The following NWD1 variants were observed in gnomAD, a reference collection of about 807,000 sequenced individuals.
NWD1 encodes NACHT and WD repeat domain containing 1.
NWD1 carries 129 observed loss-of-function variants against 135.1 expected under a neutral mutation model. That is an observed-to-expected ratio of 0.96 (90% CI 0.83 to 1.11). The LOEUF (loss-of-function observed/expected upper bound fraction) is 1.11, where lower values mean the gene tolerates loss of function less well. Ranked by LOEUF, NWD1 falls within the 50% of genes least tolerant of loss-of-function variation. The probability of loss-of-function intolerance (pLI) is 0.00; values close to 1 mark genes in which losing one functional copy is unlikely to be tolerated. For missense variants in NWD1, 1,740 were observed against 1,851.3 expected (o/e 0.94, Z 1.10); for synonymous variants, 773 against 786.0 (o/e 0.98, Z 0.28).
intron 10 of NWD1, among the ~76,000 whole-genome samples, chr19:16,772,914 G>A (rs1969464297): frequency 6.6e-6 from 1 of 152,138 alleles, no homozygotes; most frequent in Non-Finnish European, 1.5e-5. Flanking sequence ...CCTGGGCAAA[G>A]GCTGGAGACT....
intron 11 of NWD1, 55 bp from the exon 12 acceptor site, chr19:16,779,288 T>C (rs1316613744): frequency 6.2e-7 from 1 of 1,609,750 alleles, no homozygotes; most frequent in African/African-American, 1.3e-5. Context: ...ACCCCATAGC[T>C]GAATACTTGG....
chr19:16,780,719 A>G (rs1035771567), intron 12 of NWD1, among the ~76,000 whole-genome samples: 3 of 151,204 alleles, frequency 2.0e-5, no homozygotes, highest in African/African-American at 7.3e-5. Context: ...GTGCAGTGGC[A>G]CAATCTCAGC....
In NWD1 at chr19:16,817,299, C is replaced by T. The variant is rs865850258; in HGVS notation, c.*2260C>T. On this transcript the variant is annotated 3_prime_UTR_variant, in exon 19 of 19. Transcript: ENST00000524140. The stretch of plus-strand genomic sequence containing the variant: ...TGGGTGACAGAGCAAGACTCCATCT[C>T]ATAATAATAATAATAATGGCAAAAG... The T allele has an allele frequency of 3.4e-5, 5 of 146,134 alleles. No homozygotes were observed. Among genetic ancestry groups the T allele is most frequent in the African/African-American group, 1.3e-4 (5 of 39,542 alleles). The allele number at this position is 146,134 out of a possible 1,614,324, so 9.1% of individuals were successfully genotyped here.
rs1294302711 is a variant in NWD1, at chr19:16,816,435, A to T, written c.*1396A>T. 2 of 152,194 alleles carry T rather than the reference A, an allele frequency of 1.3e-5. No homozygotes were observed. The highest frequency in any genetic ancestry group is 2.9e-5 in the Non-Finnish European group (2 of 68,042). The allele number at this position is 152,194 out of a possible 1,614,324, so 9.4% of individuals were successfully genotyped here. A position where few individuals can be genotyped will look rare whatever the true frequency, so the allele number is the denominator to read the frequency against. ...TAAAACAATCAACATGTTATAGTTCATCCCTCTCTATTCCTTGGCTCCCAA... is the reference window on the plus strand; with the variant it reads ...TAAAACAATCAACATGTTATAGTTCTTCCCTCTCTATTCCTTGGCTCCCAA... On this transcript the variant is annotated 3_prime_UTR_variant, in exon 19 of 19. Transcript: ENST00000524140.
chr19:16,784,609 C>T (rs2123020291), intron 12 of NWD1, among the ~76,000 whole-genome samples: 1 of 151,978 alleles, frequency 6.6e-6, no homozygotes. Context: ...AATCATGAGG[C>T]TGGAGCTCCA....
intron 18 of NWD1, among the ~76,000 whole-genome samples, chr19:16,808,679 C>T (rs989537596): frequency 3.9e-5 from 6 of 151,996 alleles, no homozygotes; most frequent in African/African-American, 1.4e-4. Flanking sequence ...ACAATCATAG[C>T]TCATTGCAGC....
At chr19:16,738,746 TATTA>T (rs1568340013) in intron 4 of NWD1, among the ~76,000 whole-genome samples, 7 of 139,464 alleles carry the variant, frequency 5.0e-5, no homozygotes, top group African/African-American at 2.0e-4. Context: ...ATAATATATA[TATTA>T]TATATATATA....
chr19:16,778,818 A>G (rs535524446), intron 11 of NWD1, among the ~76,000 whole-genome samples: 16 of 152,232 alleles, frequency 1.1e-4, no homozygotes, highest in Admixed American at 7.9e-4. Context: ...GGGTGGCATG[A>G]GCCACCGTGC....
chr19:16,777,949 A>AGGGG (rs1969713855), intron 11 of NWD1, among the ~76,000 whole-genome samples: 1 of 118,334 alleles, frequency 8.5e-6, no homozygotes, highest in Non-Finnish European at 1.7e-5. Flanking sequence ...AAGGGAAGGA[A>AGGGG]AGGAAAGGGA....
At chr19:16,764,931 G>C (rs2122902510) in intron 9 of NWD1, 103 bp from the exon 10 acceptor site, 2 of 1,267,100 alleles carry the variant, frequency 1.6e-6, no homozygotes, top group South Asian at 2.8e-5. Flanking sequence ...CTACTGCTGA[G>C]CCTGAGATGC....
At chr19:16,811,796 T>G (rs1481733518) in intron 18 of NWD1, among the ~76,000 whole-genome samples, 1 of 151,778 alleles carries the variant, frequency 6.6e-6, no homozygotes, top group Non-Finnish European at 1.5e-5. Context: ...CAAAGCCTGG[T>G]TCTGAGGTCA....
intron 2 of NWD1, among the ~76,000 whole-genome samples, chr19:16,729,447 C>T (rs1199402778): frequency 3.9e-5 from 6 of 151,962 alleles, no homozygotes; most frequent in Non-Finnish European, 5.9e-5. Context: ...GCAAACACCC[C>T]GTCTTCAGGG....
intron 12 of NWD1, among the ~76,000 whole-genome samples, chr19:16,787,876 CAATAATAATAATAATAAT>C (rs534816872): frequency 8.4e-6 from 1 of 119,492 alleles, no homozygotes; most frequent in Admixed American, 1.1e-4. Context: ...GTAATAATAA[CAATAATAATAATAATAAT>C]AATAATAATA....
At chr19:16,793,618 C>T (rs550776831) in intron 14 of NWD1, among the ~76,000 whole-genome samples, 1 of 151,374 alleles carries the variant, frequency 6.6e-6, no homozygotes, top group Non-Finnish European at 1.5e-5. Flanking sequence ...GCTCTGTCGC[C>T]CAGACTGGAA....
At chr19:16,735,431 G>A (rs1464265655) in intron 3 of NWD1, among the ~76,000 whole-genome samples, 3 of 147,492 alleles carry the variant, frequency 2.0e-5, no homozygotes, top group Non-Finnish European at 3.0e-5. Context: ...GCTTGAACTC[G>A]GGAGGCGGAG....
At chr19:16,740,331 G>T (rs1408407632) in intron 4 of NWD1, among the ~76,000 whole-genome samples, 3 of 151,714 alleles carry the variant, frequency 2.0e-5, no homozygotes, top group Non-Finnish European at 4.4e-5. Flanking sequence ...GAATAGAAAA[G>T]AAATTATTAT....
intron 12 of NWD1, among the ~76,000 whole-genome samples, chr19:16,782,752 A>G (rs1969898764): frequency 6.6e-6 from 1 of 151,976 alleles, no homozygotes; most frequent in Non-Finnish European, 1.5e-5. Context: ...TCCCAGCTAC[A>G]AGGAGGAGGA....
chr19:16,766,324 C>A (rs1369808572), intron 10 of NWD1, among the ~76,000 whole-genome samples: 1 of 152,088 alleles, frequency 6.6e-6, no homozygotes, highest in African/African-American at 2.4e-5. Context: ...ATCAATTGAG[C>A]CTGGGAGGTC....
intron 12 of NWD1, among the ~76,000 whole-genome samples, chr19:16,780,699 C>T (rs542886691): frequency 6.6e-6 from 1 of 151,938 alleles, no homozygotes; most frequent in African/African-American, 2.4e-5. Flanking sequence ...GCTCTGTTGC[C>T]CAAGCTGGAG....
Sources: allele counts gnomAD v4.1 joint callset (sites outside exome capture counted in the v4.1 genomes callset), GRCh38; gene constraint gnomAD v4.1.1; transcripts MANE v1.5; gene names NCBI Gene and HGNC (gene_info 2026-07-23, HGNC 2026-07-21).